Variants in CADM2 observed in about 807,000 individuals in gnomAD.
The protein encoded by CADM2 is cell adhesion molecule 2, also known as immunoglobulin superfamily member 4D.
CADM2 carries 12 observed loss-of-function variants against 49.8 expected under a neutral mutation model. The ratio of observed to expected loss-of-function variants is 0.24; its 90% CI spans 0.15 to 0.39. The LOEUF (loss-of-function observed/expected upper bound fraction) is 0.39. Ranked by LOEUF, CADM2 falls within the 10% of genes least tolerant of loss-of-function variation. CADM2 has a pLI of 1.00. For synonymous variants in CADM2, 214 were observed against 175.4 expected (o/e 1.22, Z -1.74); for missense variants, 378 against 492.3 (o/e 0.77, Z 2.20).
intron 1 of CADM2, among the ~76,000 whole-genome samples, chr3:84,960,944 G>T (rs550858344): frequency 4.6e-5 from 7 of 152,168 alleles, no homozygotes; most frequent in Admixed American, 3.3e-4. Flanking sequence ...GATGTGGCTT[G>T]AGTGTGAGAT....
chr3:85,726,570 A>G (rs531529010), intron 2 of CADM2, 22 bp downstream of exon 2: 28 of 1,585,214 alleles, frequency 1.8e-5, no homozygotes, highest in Middle Eastern at 3.3e-4. Flanking sequence ...TTTATTCTGC[A>G]TGAGTCATCA....
intron 1 of CADM2, among the ~76,000 whole-genome samples, chr3:85,463,422 G>A (rs1456544050): frequency 6.6e-6 from 1 of 152,110 alleles, no homozygotes; most frequent in Non-Finnish European, 1.5e-5. Flanking sequence ...TTCAAGGAAT[G>A]CATTTAAGTA....
intron 1 of CADM2, among the ~76,000 whole-genome samples, chr3:85,337,717 A>G (rs72903253): frequency 0.073 from 11,048 of 151,466 alleles, 737 homozygotes; most frequent in African/African-American, 0.18. Flanking sequence ...TACAAAATCT[A>G]TAAACACCCC....
chr3:85,670,302 A>G (rs936819023), intron 1 of CADM2, among the ~76,000 whole-genome samples: 3 of 152,320 alleles, frequency 2.0e-5, no homozygotes, highest in Non-Finnish European at 4.4e-5. Context: ...ATAACTAAGT[A>G]GAAACAAATA....
At chr3:85,732,094 C>CAAAAAAAA (rs3044020) in intron 2 of CADM2, among the ~76,000 whole-genome samples, 1 of 90,826 alleles carries the variant, frequency 1.1e-5, no homozygotes, top group African/African-American at 4.4e-5. Context: ...CTAAGAATAC[C>CAAAAAAAA]AAAAAAAAAA....
chr3:85,403,669 T>G (rs908903383), intron 1 of CADM2, among the ~76,000 whole-genome samples: 2 of 152,158 alleles, frequency 1.3e-5, no homozygotes, highest in Admixed American at 1.3e-4. Flanking sequence ...ATTAGAGCAT[T>G]CAACTCATAT....
At chr3:85,358,027 T>C (rs908990827) in intron 1 of CADM2, among the ~76,000 whole-genome samples, 4 of 152,156 alleles carry the variant, frequency 2.6e-5, no homozygotes, top group Admixed American at 2.6e-4. Flanking sequence ...TTTGTATGGA[T>C]ACTGAAGACC....
chr3:85,946,103 A>G (rs1434572284), intron 7 of CADM2, among the ~76,000 whole-genome samples: 1 of 152,046 alleles, frequency 6.6e-6, no homozygotes, highest in East Asian at 1.9e-4. Flanking sequence ...AAATCAATGT[A>G]CAAAAATCAC....
chr3:85,883,139 TATTTAAACTTTC>T, intron 3 of CADM2, 140 bp from the exon 4 acceptor site: 1 of 583,058 alleles, frequency 1.7e-6, no homozygotes, highest in East Asian at 3.0e-5. Context: ...TATTTCAATA[TATTTAAACTTTC>T]TTTTAAACTG....
At chr3:85,182,949 T>C (rs953571383) in intron 1 of CADM2, among the ~76,000 whole-genome samples, 1 of 152,146 alleles carries the variant, frequency 6.6e-6, no homozygotes, top group African/African-American at 2.4e-5. Context: ...TAGTGTCTTA[T>C]GTTTAGACTG....
chr3:85,235,890 A>G (rs2042396874), intron 1 of CADM2, among the ~76,000 whole-genome samples: 1 of 152,162 alleles, frequency 6.6e-6, no homozygotes, highest in Non-Finnish European at 1.5e-5. Flanking sequence ...AGGTAACCAC[A>G]CTAAAGCTCT....
chr3:85,362,098 TTTGGACCTCCAGTAAGTGA>T (rs368968218), intron 1 of CADM2, among the ~76,000 whole-genome samples: 1,977 of 152,282 alleles, frequency 0.013, 43 homozygotes, highest in African/African-American at 0.045. Context: ...ACAACTTTGG[TTTGGACCTCCAGTAAGTGA>T]CAGGACCCGC....
intron 1 of CADM2, among the ~76,000 whole-genome samples, chr3:85,578,651 C>A (rs912741793): frequency 6.6e-6 from 1 of 152,206 alleles, no homozygotes; most frequent in African/African-American, 2.4e-5. Flanking sequence ...TGTGATTATA[C>A]AACCTGATAG....
At chr3:85,416,589 C>G (rs367635026) in intron 1 of CADM2, among the ~76,000 whole-genome samples, 10 of 152,204 alleles carry the variant, frequency 6.6e-5, no homozygotes, top group African/African-American at 2.4e-4. Context: ...TGCCCCCACT[C>G]CAAAGAAGCA....
intron 1 of CADM2, among the ~76,000 whole-genome samples, chr3:85,322,874 A>C (rs1385879565): frequency 1.3e-5 from 2 of 152,160 alleles, no homozygotes; most frequent in African/African-American, 4.8e-5. Flanking sequence ...GGTGAGAACT[A>C]ATCCTGAAGA....
rs1703303447 is a variant in CADM2 at position 86,071,922 on chromosome 3, A to T, written c.*5139A>T. 1 of 152,008 alleles carries T rather than the reference A, an allele frequency of 6.6e-6. No homozygotes were observed. Among genetic ancestry groups the T allele is most frequent in the South Asian group, 2.1e-4 (1 of 4,834 alleles). 9.4% of individuals were successfully genotyped at this position (152,008 alleles called of 1,614,324 possible). Reference sequence around the variant, plus strand: ...TTTTTAAAATGTAACAATTTCTTATAAATTCATGCTGTGTTTTAAGTAAAA... The same window carrying T: ...TTTTTAAAATGTAACAATTTCTTATTAATTCATGCTGTGTTTTAAGTAAAA... On this transcript the variant is annotated 3_prime_UTR_variant, in exon 10 of 10. Transcript: ENST00000383699.
At chr3:85,871,993 T>C (rs2075949929) in intron 3 of CADM2, among the ~76,000 whole-genome samples, 1 of 152,228 alleles carries the variant, frequency 6.6e-6, no homozygotes, top group Non-Finnish European at 1.5e-5. Context: ...TTTCTTATTC[T>C]CTCCTGCATT....
chr3:85,285,416 T>C (rs944868160), intron 1 of CADM2, among the ~76,000 whole-genome samples: 1 of 152,058 alleles, frequency 6.6e-6, no homozygotes, highest in African/African-American at 2.4e-5. Flanking sequence ...AAGTGGAAAA[T>C]GCATTTAAAA....
At chr3:86,063,739 T>C (rs575465500) in intron 8 of CADM2, among the ~76,000 whole-genome samples, 1 of 152,344 alleles carries the variant, frequency 6.6e-6, no homozygotes, top group East Asian at 1.9e-4. Context: ...TTTGTCAGAT[T>C]AATGTTCCTA....
Sources: allele counts gnomAD v4.1 joint callset (sites outside exome capture counted in the v4.1 genomes callset), GRCh38; gene constraint gnomAD v4.1.1; transcripts MANE v1.5; gene names NCBI Gene and HGNC (gene_info 2026-07-23, HGNC 2026-07-21).